PARVA: variants seen among roughly 807,000 people sequenced by gnomAD.
PARVA encodes parvin alpha, also known as alpha-parvin.
Under a neutral mutation model 52.6 loss-of-function variants are expected in PARVA, and 25 were observed. That is an observed-to-expected ratio of 0.48 (90% confidence interval 0.35 to 0.66). The LOEUF (loss-of-function observed/expected upper bound fraction) is 0.66. Ranked by LOEUF, PARVA falls within the 30% of genes least tolerant of loss-of-function variation. The probability of loss-of-function intolerance (pLI) is 0.01; values close to 1 mark genes in which losing one functional copy is unlikely to be tolerated. For synonymous variants in PARVA, 185 were observed against 179.1 expected (o/e 1.03, Z -0.26); for missense variants, 373 against 450.9 (o/e 0.83, Z 1.56).
chr11:12,528,151 G>T lies in PARVA; in HGVS notation c.*226G>T. The T allele has an allele frequency of 3.9e-6, 2 of 517,490 alleles. No individual in the cohort carries two copies. The highest frequency in any genetic ancestry group is 6.9e-6 in the Non-Finnish European group (2 of 289,700). 32.1% of individuals were successfully genotyped at this position (517,490 alleles called of 1,614,324 possible). A position where few individuals can be genotyped will look rare whatever the true frequency, so the allele number is the denominator to read the frequency against. Reference sequence around the variant, plus strand: ...GCTGGGGACCAACCTAGCAATGAAGGTTGGGAAGGTTGTTCCCTTCCCGGT... The same window carrying T: ...GCTGGGGACCAACCTAGCAATGAAGTTTGGGAAGGTTGTTCCCTTCCCGGT... On this transcript the variant is annotated 3_prime_UTR_variant, in exon 13 of 13. Coordinates refer to ENST00000334956, the MANE Select transcript of PARVA (RefSeq NM_018222.5).
chr11:12,532,973 CTG>C lies in PARVA; in HGVS notation c.*5049_*5050del. On this transcript the variant is annotated 3_prime_UTR_variant, in exon 13 of 13. Coordinates refer to ENST00000334956, the MANE Select transcript of PARVA (RefSeq NM_018222.5). The stretch of plus-strand genomic sequence containing the variant: ...GAAAGCTACGTCAGCAATATGGAGT[CTG>C]GGGTTGCCTTTCTCATGTCATACCA... Among the ~76,000 whole-genome samples, 1 of 152,320 alleles carries C rather than the reference CTG, an allele frequency of 6.6e-6. No individual in the cohort carries two copies. The highest frequency in any genetic ancestry group is 1.9e-4 in the East Asian group (1 of 5,188).
intron 1 of PARVA, among the ~76,000 whole-genome samples, chr11:12,387,003 A>G (rs1193621011): frequency 6.6e-6 from 1 of 152,172 alleles, no homozygotes. Context: ...GAATATCTCT[A>G]TTTGGTTAAC....
At chr11:12,379,588 A>T (rs1939455957) in intron 1 of PARVA, among the ~76,000 whole-genome samples, 1 of 152,226 alleles carries the variant, frequency 6.6e-6, no homozygotes, top group Non-Finnish European at 1.5e-5. Flanking sequence ...AATGTTTTTA[A>T]TAGATTGCTC....
At chr11:12,480,184 G>A (rs4539311) in intron 4 of PARVA, 80,662 of 146,826 alleles carry the variant, frequency 0.55, 22,632 homozygotes, top group East Asian at 0.79. Context: ...AGATCACGCC[G>A]TTGCACTCTA....
chr11:12,441,338 T>G (rs1173074673), intron 1 of PARVA, among the ~76,000 whole-genome samples: 1 of 144,768 alleles, frequency 6.9e-6, no homozygotes, highest in East Asian at 2.0e-4. Context: ...TATACTCTGG[T>G]AGAAAACTTT....
At chr11:12,415,816 C>A (rs1940057592) in intron 1 of PARVA, among the ~76,000 whole-genome samples, 2 of 152,162 alleles carry the variant, frequency 1.3e-5, no homozygotes, top group African/African-American at 4.8e-5. Flanking sequence ...AGGCATTTTG[C>A]TGAGTACTTT....
chr11:12,393,238 G>A (rs1939688216), intron 1 of PARVA, among the ~76,000 whole-genome samples: 1 of 152,156 alleles, frequency 6.6e-6, no homozygotes, highest in Non-Finnish European at 1.5e-5. Context: ...GCCAGGTAAT[G>A]TGGTAGCTTT....
At chr11:12,450,010 T>G (rs947232591) in intron 1 of PARVA, among the ~76,000 whole-genome samples, 2 of 152,236 alleles carry the variant, frequency 1.3e-5, no homozygotes, top group African/African-American at 4.8e-5. Flanking sequence ...AAACCCTTCC[T>G]GCATATTTAC....
intron 9 of PARVA, 98 bp downstream of exon 9, chr11:12,513,458 G>A: frequency 9.4e-7 from 1 of 1,059,418 alleles, no homozygotes; most frequent in Non-Finnish European, 1.5e-6. Context: ...TGCCAGAACT[G>A]GTGGCATCAC....
intron 1 of PARVA, among the ~76,000 whole-genome samples, chr11:12,419,701 C>T (rs1326189787): frequency 6.6e-6 from 1 of 152,138 alleles, no homozygotes; most frequent in African/African-American, 2.4e-5. Context: ...TACTGTTTTC[C>T]ACAGTAGCTG....
At chr11:12,514,402 C>CA (rs1941544120) in intron 10 of PARVA, among the ~76,000 whole-genome samples, 1 of 152,208 alleles carries the variant, frequency 6.6e-6, no homozygotes, top group Admixed American at 6.5e-5. Context: ...ACACAATTAT[C>CA]AAAGGCAGGC....
At chr11:12,513,943 G>A in intron 9 of PARVA, 54 bp from the exon 10 acceptor site, 2 of 268,914 alleles carry the variant, frequency 7.4e-6, no homozygotes, top group Non-Finnish European at 1.1e-5. Flanking sequence ...GCAGCCACAG[G>A]CTCCTGCACT....
intron 1 of PARVA, among the ~76,000 whole-genome samples, chr11:12,423,400 G>A (rs142201516): frequency 6.0e-4 from 89 of 147,916 alleles, no homozygotes; most frequent in African/African-American, 2.1e-3. Flanking sequence ...CATGTTGGCC[G>A]GGCTGACCTT....
intron 12 of PARVA, 144 bp from the exon 13 acceptor site, chr11:12,527,700 TCTGAA>T (rs1243965003): frequency 1.4e-6 from 1 of 696,086 alleles, no homozygotes; most frequent in Non-Finnish European, 2.6e-6. Flanking sequence ...TGCCCCCTGC[TCTGAA>T]TTCTCGCTGC....
At chr11:12,457,805 C>CACAGATGCAA (rs1485749433) in intron 1 of PARVA, among the ~76,000 whole-genome samples, 4 of 152,086 alleles carry the variant, frequency 2.6e-5, no homozygotes, top group Admixed American at 6.6e-5. Context: ...CAGATATGCA[C>CACAGATGCAA]AATTGCAAAC....
At chr11:12,405,890 G>A (rs960239116) in intron 1 of PARVA, among the ~76,000 whole-genome samples, 10 of 152,214 alleles carry the variant, frequency 6.6e-5, no homozygotes, top group South Asian at 4.2e-4. Flanking sequence ...CCTGGGAGGC[G>A]GAGGTTGCCA....
At chr11:12,464,306 A>G (rs1940825907) in intron 1 of PARVA, among the ~76,000 whole-genome samples, 1 of 152,186 alleles carries the variant, frequency 6.6e-6, no homozygotes, top group South Asian at 2.1e-4. Flanking sequence ...TCTAACTCCA[A>G]TGCATTACCA....
intron 5 of PARVA, among the ~76,000 whole-genome samples, chr11:12,501,043 G>T (rs1259608430): frequency 6.6e-6 from 1 of 151,334 alleles, no homozygotes. Context: ...AGGAGGAGGT[G>T]TTTGCAGTGA....
At chr11:12,472,754 T>A (rs954123) in intron 1 of PARVA, among the ~76,000 whole-genome samples, 50,231 of 152,072 alleles carry the variant, frequency 0.33, 9,344 homozygotes, top group Non-Finnish European at 0.44. Context: ...CTGTATTAGC[T>A]CTTTAAGAAC....
Sources: gnomAD v4.1 joint callset for allele counts (sites outside exome capture counted in the v4.1 genomes callset) on GRCh38, gnomAD v4.1.1 for gene constraint, MANE v1.5 for transcripts, NCBI Gene and HGNC (gene_info 2026-07-23, HGNC 2026-07-21) for gene names.